CEP63: variants seen among roughly 807,000 people sequenced by gnomAD.
CEP63 encodes centrosomal protein of 63 kDa.
CEP63 carries 84 observed loss-of-function variants against 89.1 expected under a neutral mutation model. That is an observed-to-expected ratio of 0.94 (90% CI 0.79 to 1.13). CEP63 has a LOEUF of 1.13. CEP63 is among the 50% of genes most tolerant of loss of function. CEP63 has a pLI of 0.00. For missense variants in CEP63, 838 were observed against 813.3 expected (o/e 1.03, Z -0.37); for synonymous variants, 267 against 272.5 (o/e 0.98, Z 0.20).
At chr3:134,517,246 G>A (rs1946453743) in intron 3 of CEP63, among the ~76,000 whole-genome samples, 1 of 152,118 alleles carries the variant, frequency 6.6e-6, no homozygotes, top group Admixed American at 6.5e-5. Context: ...TTTGCTGGGG[G>A]ACTCAAACCA....
At chr3:134,691,721 G>A in the CEP63 span, among the ~76,000 whole-genome samples, 2 of 151,994 alleles carry the variant, frequency 1.3e-5, no homozygotes, top group Non-Finnish European at 2.9e-5. Context: ...AAAGTAAATA[G>A]TAAAGAGAAT....
At chr3:134,625,372 C>T in the CEP63 span, among the ~76,000 whole-genome samples, 8 of 152,360 alleles carry the variant, frequency 5.3e-5, no homozygotes, top group East Asian at 5.8e-4. Context: ...AGGGAACATA[C>T]GCCTATTGTA....
At chr3:134,720,359 C>T in the CEP63 span, among the ~76,000 whole-genome samples, 10 of 152,054 alleles carry the variant, frequency 6.6e-5, no homozygotes, top group Admixed American at 6.5e-4. Context: ...ATTGTAGATA[C>T]AAGTTCTATT....
chr3:134,644,535 A>G, the CEP63 span, among the ~76,000 whole-genome samples: 1 of 152,138 alleles, frequency 6.6e-6, no homozygotes, highest in African/African-American at 2.4e-5. Flanking sequence ...TTCCCCCACC[A>G]CTACCACTCT....
At chr3:134,522,687 C>G (rs1186626156) in intron 3 of CEP63, among the ~76,000 whole-genome samples, 1 of 151,984 alleles carries the variant, frequency 6.6e-6, no homozygotes, top group Non-Finnish European at 1.5e-5. Flanking sequence ...CACTTAGCTC[C>G]CATTTATAAG....
the CEP63 span, among the ~76,000 whole-genome samples, chr3:134,636,936 T>C: frequency 6.6e-6 from 1 of 152,244 alleles, no homozygotes; most frequent in Non-Finnish European, 1.5e-5. Flanking sequence ...TATTTTTTCC[T>C]CATTGATTTT....
intron 10 of CEP63, among the ~76,000 whole-genome samples, chr3:134,580,884 T>C (rs571649395): frequency 6.6e-6 from 1 of 152,300 alleles, no homozygotes; most frequent in Non-Finnish European, 1.5e-5. Context: ...GAAATTGAGG[T>C]AGCCAATGTA....
chr3:134,611,194 C>T, the CEP63 span, among the ~76,000 whole-genome samples: 9 of 152,202 alleles, frequency 5.9e-5, no homozygotes, highest in Admixed American at 5.9e-4. Context: ...GCTTTGGGGT[C>T]CTTTTGACAT....
chr3:134,705,048 A>G, the CEP63 span, among the ~76,000 whole-genome samples: 1 of 152,248 alleles, frequency 6.6e-6, no homozygotes, highest in East Asian at 1.9e-4. Flanking sequence ...CTGCAGTCCT[A>G]GAAAAGCAAA....
the CEP63 span, among the ~76,000 whole-genome samples, chr3:134,773,421 C>A: frequency 4.9e-3 from 751 of 152,234 alleles, 4 homozygotes; most frequent in African/African-American, 0.017. Context: ...CAAAATGGCA[C>A]GCATAGAAAT....
chr3:134,633,649 A>G, the CEP63 span, among the ~76,000 whole-genome samples: 2 of 152,118 alleles, frequency 1.3e-5, no homozygotes, highest in Non-Finnish European at 2.9e-5. Context: ...CTAACAGCAT[A>G]TTTAATGGTG....
At chr3:134,652,015 G>T in the CEP63 span, among the ~76,000 whole-genome samples, 1 of 152,164 alleles carries the variant, frequency 6.6e-6, no homozygotes, top group Admixed American at 6.5e-5. Context: ...CCGCATTGGA[G>T]TGTATGGACC....
At chr3:134,487,183 A>T (rs1935868634) in intron 1 of CEP63, among the ~76,000 whole-genome samples, 1 of 152,248 alleles carries the variant, frequency 6.6e-6, no homozygotes, top group Non-Finnish European at 1.5e-5. Flanking sequence ...CGAGGAAATC[A>T]TAAGGATCGT....
chr3:134,762,013 T>C, the CEP63 span, among the ~76,000 whole-genome samples: 1 of 152,210 alleles, frequency 6.6e-6, no homozygotes, highest in East Asian at 1.9e-4. Context: ...CCACATTTTG[T>C]AGCTTGTTGG....
At chr3:134,610,083 C>T in the CEP63 span, 12 of 1,196,490 alleles carry the variant, frequency 1.0e-5, no homozygotes, top group Non-Finnish European at 1.3e-5. Context: ...ATGGGGCCTC[C>T]TGGCTCTCCT....
At chr3:134,738,235 G>A in the CEP63 span, among the ~76,000 whole-genome samples, 29 of 135,224 alleles carry the variant, frequency 2.1e-4, no homozygotes, top group Middle Eastern at 3.6e-3. Flanking sequence ...TTATGGCTGC[G>A]TAGTATTCCA....
chr3:134,586,903 T>G (rs1211863623), intron 10 of CEP63, among the ~76,000 whole-genome samples: 1 of 152,208 alleles, frequency 6.6e-6, no homozygotes, highest in Non-Finnish European at 1.5e-5. Flanking sequence ...TTTACTCTTT[T>G]TTCTCTAATC....
At chr3:134,776,101 C>G in the CEP63 span, among the ~76,000 whole-genome samples, 1 of 152,192 alleles carries the variant, frequency 6.6e-6, no homozygotes, top group African/African-American at 2.4e-5. Context: ...CATTTTCTTC[C>G]TGTAGCCTAG....
downstream of CEP63, among the ~76,000 whole-genome samples, chr3:134,591,319 G>T (rs1958591490): frequency 6.6e-6 from 1 of 152,168 alleles, no homozygotes; most frequent in Admixed American, 6.5e-5. Flanking sequence ...CTAGTGATCT[G>T]AAATTCATAA....
Sources: allele counts gnomAD v4.1 joint callset (sites outside exome capture counted in the v4.1 genomes callset), GRCh38; gene constraint gnomAD v4.1.1; transcripts MANE v1.5; gene names NCBI Gene and HGNC (gene_info 2026-07-23, HGNC 2026-07-21).